RSPH3: variants seen among roughly 807,000 people sequenced by gnomAD.
The protein encoded by RSPH3 is radial spoke head protein 3 homolog.
RSPH3 carries 21 observed loss-of-function variants against 43.8 expected under a neutral mutation model. The ratio of observed to expected loss-of-function variants is 0.48; its 90% CI spans 0.34 to 0.69. RSPH3 has a LOEUF of 0.69. Among genes scored for constraint, RSPH3 ranks in the 30% least tolerant of loss-of-function variants. RSPH3 has a pLI of 0.01. For synonymous variants in RSPH3, 173 were observed against 179.8 expected, an observed-to-expected ratio of 0.96 and a Z score of 0.30; for missense variants, 487 against 516.0, an observed-to-expected ratio of 0.94 and a Z score of 0.54.
chr6:158,965,610 C>T, the RSPH3 span, among the ~76,000 whole-genome samples: 59 of 152,034 alleles, frequency 3.9e-4, no homozygotes, highest in African/African-American at 9.2e-4. Context: ...TATAAAAATG[C>T]GATTTTTATA....
chr6:158,973,341 A>G lies in RSPH3; in HGVS notation c.*4197T>C, dbSNP rs1268180641. Reference sequence around the variant, plus strand: ...TTATGTTTCAACAACATAAAATGAAATGTTTCTAGGATAGAAGAAATTGGT... The same window carrying G: ...TTATGTTTCAACAACATAAAATGAAGTGTTTCTAGGATAGAAGAAATTGGT... On this transcript the variant is annotated 3_prime_UTR_variant, in exon 8 of 8. Transcript: ENST00000367069. 6.6e-6 allele frequency: 1 copy of G among 152,198 alleles called. No homozygotes were observed. Among genetic ancestry groups the G allele is most frequent in the African/African-American group, 2.4e-5 (1 of 41,466 alleles). 9.4% of individuals were successfully genotyped at this position (152,198 alleles called of 1,614,324 possible).
Position 158,989,391 on chromosome 6 carries a change from G to C in RSPH3, c.205-2970C>G, listed in dbSNP as rs1049325215. On this transcript the variant is annotated intron_variant, in intron 2 of 7. Coordinates refer to ENST00000367069, the MANE Select transcript of RSPH3 (RefSeq NM_031924.8). The surrounding 1 kb of genome is among the most constrained non-coding windows in gnomAD (Gnocchi z 4.3). ...ATTGCTGCCTCCTTTTTGGCTCTAG[G>C]TGGTGCCTTAAGGCCAGGTTCACCT... 6.6e-6 allele frequency among the ~76,000 whole-genome samples: 1 copy of C among 152,114 alleles called. No homozygotes were observed. Among genetic ancestry groups the C allele is most frequent in the African/African-American group, 2.4e-5 (1 of 41,438 alleles).
the RSPH3 span, among the ~76,000 whole-genome samples, chr6:158,963,193 A>G: frequency 6.6e-6 from 1 of 152,170 alleles, no homozygotes; most frequent in African/African-American, 2.4e-5. Context: ...TTACAAACAT[A>G]TACATAAAAA....
intron 7 of RSPH3, 71 bp downstream of exon 7, chr6:158,978,185 ATCTT>A (rs758584982): frequency 2.5e-4 from 204 of 811,502 alleles, no homozygotes; most frequent in African/African-American, 1.2e-3. Context: ...TGTAAAATTA[ATCTT>A]TCTTTCAGTT....
downstream of RSPH3, among the ~76,000 whole-genome samples, chr6:158,970,076 C>CTTTTTT (rs570055821): frequency 6.6e-6 from 1 of 150,558 alleles, no homozygotes. Flanking sequence ...CTGCCTTGTA[C>CTTTTTT]TTTTTTCTTT....
At position 158,989,480 on chromosome 6, in the gene RSPH3, T is replaced by C. The variant is rs1778336426; in HGVS notation, c.205-3059A>G. On this transcript the variant is annotated intron_variant, in intron 2 of 7. Transcript: ENST00000367069. The surrounding 1 kb of genome is among the most constrained non-coding windows in gnomAD (Gnocchi z 4.3). ...GGGGGAGGTCCCAAAGGGGATACACTGGTAGTGTGACTGGCTAGGGGTTTG... is the reference window on the plus strand; with the variant it reads ...GGGGGAGGTCCCAAAGGGGATACACCGGTAGTGTGACTGGCTAGGGGTTTG... 6.6e-6 allele frequency among the ~76,000 whole-genome samples: 1 copy of C among 152,158 alleles called. No individual in the cohort carries two copies.
intron 2 of RSPH3, 94 bp downstream of exon 2, chr6:158,993,745 A>C (rs543022244): frequency 1.5e-6 from 1 of 664,804 alleles, no homozygotes; most frequent in African/African-American, 1.8e-5. Flanking sequence ...TGAATGTTTT[A>C]GTCTGCAACG....
chr6:158,989,604 G>A lies in RSPH3; in HGVS notation c.205-3183C>T, dbSNP rs1476515211. Among the ~76,000 whole-genome samples the A allele has an allele frequency of 1.3e-5, 2 of 152,142 alleles. No individual in the cohort carries two copies. Among genetic ancestry groups the A allele is most frequent in the East Asian group, 3.9e-4 (2 of 5,192 alleles). On this transcript the variant is annotated intron_variant, in intron 2 of 7. Transcript: ENST00000367069. The surrounding 1 kb of genome is among the most constrained non-coding windows in gnomAD (Gnocchi z 4.3). Reference sequence around the variant, plus strand: ...CTTTGGTTGAGTTATACAGCAGAGTGTCCAGGGCTGGAGATGGTAGTCTCA... The same window carrying A: ...CTTTGGTTGAGTTATACAGCAGAGTATCCAGGGCTGGAGATGGTAGTCTCA...
downstream of RSPH3, among the ~76,000 whole-genome samples, chr6:158,967,992 G>T (rs534241771): frequency 2.0e-5 from 3 of 152,002 alleles, no homozygotes; most frequent in African/African-American, 7.2e-5. Context: ...TAATAGTATT[G>T]TTGGGTTATT....
At position 158,999,833 on chromosome 6, in the gene RSPH3, C is replaced by G; in HGVS notation, c.-283G>C. ...CTGGGGGCGGGAACTCCGGGCAGTT[C>G]CGGTCCCCAGGTTTCCCGGGAAGGA... On this transcript the variant is annotated 5_prime_UTR_variant, in exon 1 of 8. Coordinates refer to ENST00000367069, the MANE Select transcript of RSPH3 (RefSeq NM_031924.8). The G allele has an allele frequency of 6.2e-7, 1 of 1,613,878 alleles. No individual in the cohort carries two copies. Among genetic ancestry groups the G allele is most frequent in the Non-Finnish European group, 8.5e-7 (1 of 1,179,916 alleles).
Position 158,973,455 on chromosome 6 carries a change from T to G in RSPH3, c.*4083A>C, listed in dbSNP as rs1365522086. 2.0e-5 allele frequency: 3 copies of G among 152,238 alleles called. No individual in the cohort carries two copies. The highest frequency in any genetic ancestry group is 7.2e-5 in the African/African-American group (3 of 41,462). The allele number at this position is 152,238 out of a possible 1,614,324, so 9.4% of individuals were successfully genotyped here. A position where few individuals can be genotyped will look rare whatever the true frequency, so the allele number is the denominator to read the frequency against. Reference sequence around the variant, plus strand: ...CCCCAACTATGACCGCCATTATAACTTTTAATGGAATTATAGGCTCCAAAT... The same window carrying G: ...CCCCAACTATGACCGCCATTATAACGTTTAATGGAATTATAGGCTCCAAAT... On this transcript the variant is annotated 3_prime_UTR_variant, in exon 8 of 8. Transcript: ENST00000367069.
chr6:158,998,866 G>A (rs1363823486), intron 1 of RSPH3, among the ~76,000 whole-genome samples: 1 of 151,690 alleles, frequency 6.6e-6, no homozygotes, highest in African/African-American at 2.4e-5. Flanking sequence ...GCGAAACTCC[G>A]TCTCAAAACA....
chr6:158,969,427 A>C (rs1419517266), downstream of RSPH3, among the ~76,000 whole-genome samples: 1 of 152,208 alleles, frequency 6.6e-6, no homozygotes, highest in African/African-American at 2.4e-5. Flanking sequence ...TTGTCTTGCT[A>C]CTTTCAAGAT....
At chr6:158,969,818 T>C (rs12208030), downstream of RSPH3, among the ~76,000 whole-genome samples, 2,710 of 152,358 alleles carry the variant, frequency 0.018, 34 homozygotes, top group Middle Eastern at 0.024. Context: ...ATTTCAATTA[T>C]TGCACTTTTC....
intron 3 of RSPH3, among the ~76,000 whole-genome samples, chr6:158,985,625 T>C (rs923742483): frequency 2.6e-5 from 4 of 151,858 alleles, no homozygotes; most frequent in African/African-American, 4.8e-5. Context: ...AGAGATGGCG[T>C]CTTTGGTCTC....
chr6:158,990,047 T>C (rs910511390), intron 2 of RSPH3, among the ~76,000 whole-genome samples: 1 of 152,168 alleles, frequency 6.6e-6, no homozygotes, highest in Non-Finnish European at 1.5e-5. Context: ...CTGTGCTGGA[T>C]GCTTCCTGCC....
chr6:158,991,633 T>C (rs192467143), intron 2 of RSPH3, among the ~76,000 whole-genome samples: 1 of 152,238 alleles, frequency 6.6e-6, no homozygotes, highest in African/African-American at 2.4e-5. Flanking sequence ...CCAGAAAGAG[T>C]GGGGCACTGA....
downstream of RSPH3, among the ~76,000 whole-genome samples, chr6:158,969,554 T>A (rs1302265632): frequency 6.6e-6 from 1 of 152,228 alleles, no homozygotes. Flanking sequence ...ACATTTTTCA[T>A]CAAATTTAGT....
chr6:158,981,026 T>G (rs1778017167), intron 5 of RSPH3, 90 bp from the exon 6 acceptor site: 1 of 1,295,320 alleles, frequency 7.7e-7, no homozygotes, highest in Non-Finnish European at 1.1e-6. Flanking sequence ...GAATCCAGAC[T>G]TATCAAAAAA....
Sources: gnomAD v4.1 joint callset for allele counts (sites outside exome capture counted in the v4.1 genomes callset) on GRCh38, gnomAD v4.1.1 for gene constraint, Gnocchi (gnomAD v3.1) non-coding constraint, MANE v1.5 for transcripts, NCBI Gene and HGNC (gene_info 2026-07-23, HGNC 2026-07-21) for gene names.